Variants in KIF21A observed in about 807,000 individuals in gnomAD.
KIF21A encodes kinesin family member 21A.
KIF21A carries 114 observed loss-of-function variants against 202.9 expected under a neutral mutation model. That is an observed-to-expected ratio of 0.56 (90% CI 0.48 to 0.66). KIF21A has a LOEUF of 0.66. Ranked by LOEUF, KIF21A falls within the 30% of genes least tolerant of loss-of-function variation. The pLI is 0.00. For missense variants in KIF21A, 1,677 were observed against 1,994.9 expected, an observed-to-expected ratio of 0.84 and a Z score of 3.04; for synonymous variants, 667 against 670.8, an observed-to-expected ratio of 0.99 and a Z score of 0.09.
chr12:39,294,410 A>T lies in KIF21A; in HGVS notation c.*14T>A. The T allele has an allele frequency of 1.4e-6, 2 of 1,476,210 alleles. No individual in the cohort carries two copies. The highest frequency in any genetic ancestry group is 1.9e-6 in the Non-Finnish European group (2 of 1,054,346). The allele number at this position is 1,476,210 out of a possible 1,614,324, so 91.4% of individuals were successfully genotyped here. ...TATCACAGCATTCAGTTTACAACCT[A>T]TCTTCATTCATGTTTAATTACTGGC... On this transcript the variant is annotated 3_prime_UTR_variant, in exon 38 of 38. Coordinates refer to ENST00000361418, the MANE Select transcript of KIF21A (RefSeq NM_001173464.2).
At chr12:39,367,554 T>C (rs1486671033) in intron 4 of KIF21A, among the ~76,000 whole-genome samples, 1 of 152,174 alleles carries the variant, frequency 6.6e-6, no homozygotes, top group Non-Finnish European at 1.5e-5. Flanking sequence ...CAGTTCTACA[T>C]AGGTTAAAGC....
At chr12:39,415,896 T>C (rs1417227091) in intron 1 of KIF21A, among the ~76,000 whole-genome samples, 1 of 152,222 alleles carries the variant, frequency 6.6e-6, no homozygotes, top group Non-Finnish European at 1.5e-5. Flanking sequence ...CCTCTAAATA[T>C]AGGCATCACA....
At chr12:39,416,974 A>G (rs1355240793) in intron 1 of KIF21A, among the ~76,000 whole-genome samples, 1 of 151,666 alleles carries the variant, frequency 6.6e-6, no homozygotes, top group African/African-American at 2.4e-5. Context: ...ATCTGCAAGG[A>G]GCCATACAAA....
At chr12:39,328,588 C>A (rs1216447134) in intron 24 of KIF21A, among the ~76,000 whole-genome samples, 1 of 152,164 alleles carries the variant, frequency 6.6e-6, no homozygotes, top group Non-Finnish European at 1.5e-5. Flanking sequence ...TAAGGATGTT[C>A]TTTAAAGGCT....
intron 31 of KIF21A, chr12:39,311,937 T>C (rs1289447596): frequency 9.0e-6 from 2 of 221,446 alleles, no homozygotes; most frequent in Non-Finnish European, 1.8e-5. Flanking sequence ...TATGTCAAAC[T>C]GGTGTGTAAA....
intron 1 of KIF21A, among the ~76,000 whole-genome samples, chr12:39,426,689 A>G (rs1184645355): frequency 6.6e-6 from 1 of 151,020 alleles, no homozygotes; most frequent in Non-Finnish European, 1.5e-5. Context: ...CCTGGCCAAC[A>G]TGGTGAAACC....
chr12:39,384,326 C>T (rs17127094), intron 1 of KIF21A, among the ~76,000 whole-genome samples: 14,835 of 152,060 alleles, frequency 0.098, 739 homozygotes, highest in East Asian at 0.13. Context: ...TATGCCATTC[C>T]TAATAACTTA....
rs1942023573 is a variant in KIF21A at position 39,293,398 on chromosome 12, T to C, written c.*1026A>G. On this transcript the variant is annotated 3_prime_UTR_variant, in exon 38 of 38. Transcript: ENST00000361418. ...ATATTCTGAGCAGACAGAAATATTA[T>C]ACATCCTTTTGCAAAATCCAGTCAA... 1.3e-5 allele frequency: 2 copies of C among 152,614 alleles called. No homozygotes were observed. Among genetic ancestry groups the C allele is most frequent in the Admixed American group, 1.3e-4 (2 of 15,288 alleles). The allele number at this position is 152,614 out of a possible 1,614,324, so 9.5% of individuals were successfully genotyped here. A position where few individuals can be genotyped will look rare whatever the true frequency, so the allele number is the denominator to read the frequency against.
chr12:39,382,287 T>C (rs1388992378), intron 1 of KIF21A, among the ~76,000 whole-genome samples: 2 of 152,294 alleles, frequency 1.3e-5, no homozygotes, highest in African/African-American at 4.8e-5. Flanking sequence ...TAAGAAAAGA[T>C]AATTTGGTGT....
intron 1 of KIF21A, among the ~76,000 whole-genome samples, chr12:39,375,270 T>C (rs1950200417): frequency 6.6e-6 from 1 of 152,188 alleles, no homozygotes; most frequent in Admixed American, 6.6e-5. Flanking sequence ...TTGCTACCTT[T>C]TCAACTAGAG....
intron 1 of KIF21A, among the ~76,000 whole-genome samples, chr12:39,426,831 G>A (rs1255179939): frequency 6.6e-6 from 1 of 150,754 alleles, no homozygotes; most frequent in Admixed American, 6.6e-5. Flanking sequence ...TTACAGTGAG[G>A]TGAGATCACA....
chr12:39,302,767 C>T (rs1029624242), intron 36 of KIF21A, among the ~76,000 whole-genome samples, 198 bp downstream of exon 36: 2 of 152,112 alleles, frequency 1.3e-5, no homozygotes, highest in East Asian at 3.8e-4. Context: ...TCTTATCTAG[C>T]GGGTATTATT....
Position 39,431,370 on chromosome 12 carries a change from C to T in KIF21A, c.44+11557G>A, listed in dbSNP as rs1035716806. 5.3e-5 allele frequency among the ~76,000 whole-genome samples: 8 copies of T among 151,964 alleles called. No individual in the cohort carries two copies. The East Asian group carries it at 5.8e-4, about 11-fold the overall frequency. ...GTCAAGTGGGTTTGGATTCAAGACA[C>T]GGGGAAAGAGATCTAAATCAGGAAA... On this transcript the variant is annotated intron_variant, in intron 1 of 37. Coordinates refer to ENST00000361418, the MANE Select transcript of KIF21A (RefSeq NM_001173464.2).
rs117042053 is a variant in KIF21A, at chr12:39,330,609, G to T, written c.3319+137C>A. The T allele has an allele frequency of 8.1e-3, 6,476 of 803,066 alleles. 26 individuals are homozygous for T. The highest frequency in any genetic ancestry group is 0.011 in the Admixed American group (440 of 39,378). 49.7% of individuals were successfully genotyped at this position (803,066 alleles called of 1,614,324 possible). ...CCAAAATGTACACATGCAAATTAAA[G>T]AAAGAATAATTATTAAAAGCATGAG... is the stretch of plus-strand genomic sequence containing the variant. On this transcript the variant is annotated intron_variant, in intron 23 of 37. Transcript: ENST00000361418.
chr12:39,355,149 T>A (rs529931440), intron 10 of KIF21A, among the ~76,000 whole-genome samples: 1 of 152,306 alleles, frequency 6.6e-6, no homozygotes, highest in East Asian at 1.9e-4. Flanking sequence ...AGGAAAGATA[T>A]GATCAGCAAC....
Position 39,328,268 on chromosome 12 carries a change from A to AC in KIF21A, c.3341-1945dup, listed in dbSNP as rs200227328. ...TAGACTGACAGAAGGTACATATGTC[A>AC]CCCCCCCCAGTAAAACCCTGGGGCA... On this transcript the variant is annotated intron_variant, in intron 24 of 37. Transcript: ENST00000361418. 8.1e-3 allele frequency among the ~76,000 whole-genome samples: 1,218 copies of AC among 150,712 alleles called. 30 individuals carry two copies. The highest frequency in any genetic ancestry group is 0.056 in the Admixed American group (843 of 15,118).
intron 29 of KIF21A, among the ~76,000 whole-genome samples, chr12:39,317,280 C>T (rs1268748717): frequency 6.6e-6 from 1 of 152,038 alleles, no homozygotes; most frequent in East Asian, 1.9e-4. Flanking sequence ...GCCAGACAGA[C>T]AGATCTTAAA....
intron 1 of KIF21A, among the ~76,000 whole-genome samples, chr12:39,409,189 G>T (rs1278475995): frequency 6.6e-6 from 1 of 151,592 alleles, no homozygotes; most frequent in Non-Finnish European, 1.5e-5. Context: ...ACTAACGAAA[G>T]ACAAGCTTAG....
Position 39,323,338 on chromosome 12 carries a change from AAAG to A in KIF21A, c.3457-459_3457-457del, listed in dbSNP as rs140018069. 7.7e-3 allele frequency among the ~76,000 whole-genome samples: 1,164 copies of A among 152,018 alleles called. 16 individuals are homozygous for A. The highest frequency in any genetic ancestry group is 0.026 in the African/African-American group (1,063 of 41,428). The stretch of plus-strand genomic sequence containing the variant: ...ATATAATTAAAAAAAAAGAAAAGAA[AAAG>A]AAGAAGAAGAAGAAAGACATTAAAC... On this transcript the variant is annotated intron_variant, in intron 26 of 37. Coordinates refer to ENST00000361418, the MANE Select transcript of KIF21A (RefSeq NM_001173464.2).
Sources: gnomAD v4.1 joint callset for allele counts (sites outside exome capture counted in the v4.1 genomes callset) on GRCh38, gnomAD v4.1.1 for gene constraint, MANE v1.5 for transcripts, NCBI Gene and HGNC (gene_info 2026-07-23, HGNC 2026-07-21) for gene names.